The following MYO9B variants were observed in gnomAD, a reference collection of about 807,000 sequenced individuals.
The protein encoded by MYO9B is unconventional myosin-IXb.
MYO9B carries 71 observed loss-of-function variants against 229.5 expected under a neutral mutation model. That is an observed-to-expected ratio of 0.31 (90% CI 0.26 to 0.38). The LOEUF is 0.38. Among genes scored for constraint, MYO9B ranks in the 10% least tolerant of loss-of-function variants. MYO9B has a pLI of 1.00. For missense variants in MYO9B, 2,255 were observed against 2,920.5 expected (o/e 0.77, Z 5.25); for synonymous variants, 1,185 against 1,235.8 (o/e 0.96, Z 0.86).
intron 35 of MYO9B, 90 bp from the exon 36 acceptor site, chr19:17,209,496 G>GC: frequency 1.4e-6 from 2 of 1,416,772 alleles, no homozygotes; most frequent in Admixed American, 2.1e-5. Flanking sequence ...CTCAACCACT[G>GC]CCCCCCAGGC....
intron 2 of MYO9B, among the ~76,000 whole-genome samples, chr19:17,124,524 C>T (rs1325346464): frequency 6.6e-6 from 1 of 152,048 alleles, no homozygotes; most frequent in African/African-American, 2.4e-5. Flanking sequence ...GTAATCCCAG[C>T]ACTTTGGGAG....
rs1382450920 is a variant in MYO9B, at chr19:17,172,939, G to A, written c.2116G>A (p.Ala706Thr). The change falls in exon 13 of 40, where the codon GCC becomes ACC. Residue 706 changes from alanine (A) to threonine (T), a missense_variant. Physicochemically the swap from Ala to Thr is moderately conservative, Grantham distance 58 (BLOSUM62 0). Coordinates refer to ENST00000682292, the MANE Select transcript of MYO9B (RefSeq NM_004145.4). The surrounding 1 kb of genome is among the most constrained non-coding windows in gnomAD (Gnocchi z 8.2). ...AVLREAGRLR[A>T]ERAEKAAGMS... Reference sequence around the variant, plus strand: ...GCTTCGGGAGGCCGGACGCCTGCGGGCCGAGAGGGCCGAAAAGGCTGCAGG... The same window carrying A: ...GCTTCGGGAGGCCGGACGCCTGCGGACCGAGAGGGCCGAAAAGGCTGCAGG... 1 of 1,598,392 alleles carries A rather than the reference G, an allele frequency of 6.3e-7. No homozygotes were observed. The highest frequency in any genetic ancestry group is 8.5e-7 in the Non-Finnish European group (1 of 1,179,506).
intron 1 of MYO9B, among the ~76,000 whole-genome samples, chr19:17,081,271 G>C (rs1159022977): frequency 4.6e-5 from 7 of 152,110 alleles, no homozygotes; most frequent in Non-Finnish European, 1.0e-4. Flanking sequence ...CAGGTGATCA[G>C]CCCGCTCGGA....
intron 1 of MYO9B, among the ~76,000 whole-genome samples, chr19:17,080,731 T>C (rs989757986): frequency 3.3e-5 from 5 of 152,074 alleles, no homozygotes; most frequent in Non-Finnish European, 7.4e-5. Context: ...TAGCTAGACA[T>C]GATGGTGAAT....
chr19:17,159,922 C>T (rs1403311262), intron 8 of MYO9B, among the ~76,000 whole-genome samples: 1 of 152,214 alleles, frequency 6.6e-6, no homozygotes, highest in African/African-American at 2.4e-5. Context: ...ACTCCTTCAT[C>T]CCTTCCAGAA....
intron 2 of MYO9B, among the ~76,000 whole-genome samples, chr19:17,131,865 A>T (rs4808575): frequency 0.2 from 27,048 of 133,294 alleles, 2,671 homozygotes; most frequent in East Asian, 0.31. Flanking sequence ...GGTTTTTAAA[A>T]TTTTTCTTTA....
At chr19:17,097,336 A>C (rs1024561788) in intron 1 of MYO9B, among the ~76,000 whole-genome samples, 11 of 151,842 alleles carry the variant, frequency 7.2e-5, no homozygotes, top group Non-Finnish European at 1.5e-4. Context: ...AATTAAAAAA[A>C]AAAAAACAGC....
intron 2 of MYO9B, among the ~76,000 whole-genome samples, chr19:17,141,736 CAG>C (rs2072342693): frequency 6.6e-6 from 1 of 152,184 alleles, no homozygotes; most frequent in Admixed American, 6.5e-5. Flanking sequence ...GGAATCTGGA[CAG>C]AGTGTAGGTG....
intron 24 of MYO9B, among the ~76,000 whole-genome samples, chr19:17,199,786 C>T (rs867847531): frequency 5.9e-5 from 9 of 151,340 alleles, no homozygotes; most frequent in African/African-American, 2.2e-4. Flanking sequence ...TCAGCTGATC[C>T]ACCCACCTCA....
chr19:17,162,520 C>T (rs1408726750), intron 9 of MYO9B, 54 bp downstream of exon 9: 1 of 1,437,072 alleles, frequency 7.0e-7, no homozygotes, highest in Admixed American at 2.0e-5. Context: ...CACATCCTCA[C>T]TACCAATATC....
chr19:17,078,574 G>T (rs1184257512), intron 1 of MYO9B, among the ~76,000 whole-genome samples: 1 of 152,130 alleles, frequency 6.6e-6, no homozygotes, highest in Non-Finnish European at 1.5e-5. Context: ...ATGGAATTCA[G>T]ATCAGGTCAT....
At chr19:17,144,766 C>T (rs2072385970) in intron 2 of MYO9B, among the ~76,000 whole-genome samples, 3 of 151,668 alleles carry the variant, frequency 2.0e-5, no homozygotes, top group Non-Finnish European at 4.4e-5. Flanking sequence ...CTCAGGAGTT[C>T]GAGACCAGAC....
At chr19:17,152,594 C>A in intron 3 of MYO9B, 50 bp from the exon 4 acceptor site, 2 of 1,444,022 alleles carry the variant, frequency 1.4e-6, no homozygotes, top group South Asian at 1.2e-5. Context: ...AATATTAACA[C>A]AATACTAAAA....
chr19:17,139,923 C>G (rs1440842271), intron 2 of MYO9B, among the ~76,000 whole-genome samples: 1 of 151,996 alleles, frequency 6.6e-6, no homozygotes, highest in East Asian at 1.9e-4. Context: ...TGCCTGTAAT[C>G]CCAGCTATTC....
At position 17,145,469 on chromosome 19, in the gene MYO9B, C is replaced by T. The variant is rs2072397444; in HGVS notation, c.913C>T (p.Leu305=). The part of the protein sequence containing the change: ...RFGKFIQVSY[L]ESGIVRGAVV... ...TGGGAAATTCATCCAAGTCAGCTAC[C>T]TAGAGAGTGGCATCGTGAGAGGGTG... Residue 305 remains leucine, a synonymous_variant, in exon 3 of 40, where the codon CTA becomes TTA. Coordinates refer to ENST00000682292, the MANE Select transcript of MYO9B (RefSeq NM_004145.4). The T allele has an allele frequency of 2.5e-6, 4 of 1,613,836 alleles. No homozygotes were observed. In the African/African-American group the frequency reaches 5.3e-5, roughly 22 times the overall value.
At chr19:17,206,442 C>T (rs953938161) in intron 33 of MYO9B, 66 bp downstream of exon 33, 81 of 1,573,588 alleles carry the variant, frequency 5.1e-5, no homozygotes, top group Admixed American at 2.3e-4. Context: ...TCGCTGTGAC[C>T]AGCCCAGGAG....
intron 16 of MYO9B, 197 bp from the exon 17 acceptor site, chr19:17,184,668 T>G: frequency 1.7e-6 from 1 of 584,586 alleles, no homozygotes; most frequent in Middle Eastern, 4.7e-4. Flanking sequence ...GAACCAGCGC[T>G]GTGTGCAAGG....
intron 2 of MYO9B, among the ~76,000 whole-genome samples, chr19:17,136,905 A>G (rs1165922808): frequency 6.6e-6 from 1 of 152,158 alleles, no homozygotes; most frequent in Admixed American, 6.5e-5. Context: ...CAACCTGGGT[A>G]ACACAGTAAG....
At chr19:17,149,382 G>A (rs1289859806) in intron 3 of MYO9B, among the ~76,000 whole-genome samples, 11 of 152,162 alleles carry the variant, frequency 7.2e-5, no homozygotes, top group Admixed American at 7.2e-4. Flanking sequence ...CCAGCCCATA[G>A]CTAAATGGTT....
Sources: gnomAD v4.1 joint callset for allele counts (sites outside exome capture counted in the v4.1 genomes callset) on GRCh38, gnomAD v4.1.1 for gene constraint, Gnocchi (gnomAD v3.1) non-coding constraint, MANE v1.5 for transcripts, NCBI Gene and HGNC (gene_info 2026-07-23, HGNC 2026-07-21) for gene names.